The following HSD17B2 variants were observed in gnomAD, a reference collection of about 807,000 sequenced individuals.
The protein encoded by HSD17B2 is 17-beta-hydroxysteroid dehydrogenase type 2.
Under a neutral mutation model 26.9 loss-of-function variants are expected in HSD17B2, and 32 were observed. The ratio of observed to expected loss-of-function variants is 1.19; its 90% CI spans 0.90 to 1.60. HSD17B2 has a LOEUF of 1.60. HSD17B2 is among the 40% of genes most tolerant of loss of function. The pLI is 0.00. For missense variants in HSD17B2, 613 were observed against 468.6 expected, an observed-to-expected ratio of 1.31 and a Z score of -2.85; for synonymous variants, 246 against 186.7, an observed-to-expected ratio of 1.32 and a Z score of -2.59.
rs2142372625 is a variant in HSD17B2 at position 82,098,441 on chromosome 16, T to C, written c.*5T>C. ...TACAAGAAAAAGGCCACCTAGGCAA[T>C]GGAAGCCCTCAAAGAAGTCGGAATG... On this transcript the variant is annotated 3_prime_UTR_variant, in exon 5 of 5. Transcript: ENST00000199936. 1.9e-6 allele frequency: 3 copies of C among 1,585,304 alleles called. No homozygotes were observed. The highest frequency in any genetic ancestry group is 2.2e-5 in the East Asian group (1 of 44,568).
At chr16:82,076,998 T>C (rs992472703) in intron 3 of HSD17B2, among the ~76,000 whole-genome samples, 2 of 152,056 alleles carry the variant, frequency 1.3e-5, no homozygotes, top group Non-Finnish European at 2.9e-5. Flanking sequence ...TTATATAATA[T>C]TGATGAAAGA....
intron 1 of HSD17B2, among the ~76,000 whole-genome samples, chr16:82,043,862 T>C (rs1777621409): frequency 6.6e-6 from 1 of 152,226 alleles, no homozygotes; most frequent in Non-Finnish European, 1.5e-5. Context: ...TTCATTTTTA[T>C]ACAATGCTAA....
At chr16:82,072,249 G>A (rs1007753403) in intron 3 of HSD17B2, among the ~76,000 whole-genome samples, 6 of 152,168 alleles carry the variant, frequency 3.9e-5, no homozygotes, top group African/African-American at 7.2e-5. Context: ...GGGAGACGAA[G>A]TGTCCTCTAG....
chr16:82,067,250 G>T (rs910277478), intron 1 of HSD17B2, among the ~76,000 whole-genome samples: 3 of 152,314 alleles, frequency 2.0e-5, no homozygotes, highest in African/African-American at 7.2e-5. Context: ...GGAGTCCAAG[G>T]AAGATCACAT....
chr16:82,074,339 A>G (rs1467522596), intron 3 of HSD17B2, among the ~76,000 whole-genome samples: 1 of 152,340 alleles, frequency 6.6e-6, no homozygotes, highest in East Asian at 1.9e-4. Context: ...AACTCTAGAA[A>G]TGAGTTTATT....
chr16:82,070,625 G>A (rs560266573), intron 2 of HSD17B2, among the ~76,000 whole-genome samples: 12 of 152,384 alleles, frequency 7.9e-5, no homozygotes, highest in Middle Eastern at 3.4e-3. Context: ...ACAAGGACTA[G>A]AGGTCCTTTC....
intron 4 of HSD17B2, chr16:82,091,327 G>A (rs1904687887): frequency 2.4e-6 from 1 of 417,568 alleles, no homozygotes; most frequent in Non-Finnish European, 4.5e-6. Flanking sequence ...AAGTACAAGG[G>A]TCCATCAGTG....
At chr16:82,077,779 G>T (rs1217500923) in intron 3 of HSD17B2, among the ~76,000 whole-genome samples, 1 of 147,562 alleles carries the variant, frequency 6.8e-6, no homozygotes, top group East Asian at 2.0e-4. Flanking sequence ...AAGAAAGGAA[G>T]GAAGGAAGAA....
intron 4 of HSD17B2, chr16:82,091,294 C>A: frequency 2.0e-6 from 1 of 501,590 alleles, no homozygotes. Flanking sequence ...GAAAGCATGG[C>A]TCAGTAAGTC....
chr16:82,039,352 G>GGAGA (rs1184386645), intron 1 of HSD17B2, among the ~76,000 whole-genome samples: 5 of 134,110 alleles, frequency 3.7e-5, no homozygotes, highest in East Asian at 2.1e-4. Context: ...AGAGAGAGAG[G>GGAGA]GAGAGAGAGA....
intron 1 of HSD17B2, among the ~76,000 whole-genome samples, chr16:82,059,761 G>A (rs1415078431): frequency 1.3e-5 from 2 of 152,130 alleles, no homozygotes; most frequent in African/African-American, 4.8e-5. Flanking sequence ...AGCAAACCTG[G>A]GTTTCACGGC....
chr16:82,039,851 A>G (rs991515736), intron 1 of HSD17B2, among the ~76,000 whole-genome samples: 2 of 152,154 alleles, frequency 1.3e-5, no homozygotes, highest in Admixed American at 1.3e-4. Flanking sequence ...GCCACACCCA[A>G]CTGTGGCTGT....
Position 82,035,519 on chromosome 16 carries a change from G to A in HSD17B2, c.95G>A (p.Gly32Glu). 6.2e-7 allele frequency: 1 copy of A among 1,614,110 alleles called. No individual in the cohort carries two copies. Among genetic ancestry groups the A allele is most frequent in the Non-Finnish European group, 8.5e-7 (1 of 1,180,012 alleles). ...TVFCKYKKSS[G>E]QLWSWMVCLA... ...TTTTGCAAATACAAGAAGAGCTCAG[G>A]GCAGCTGTGGAGCTGGATGGTCTGC... Residue 32 changes from glycine (G) to glutamate (E), a missense_variant, in exon 1 of 5, where the codon GGG (glycine) becomes GAG (glutamate). By Grantham distance (98) the Gly-to-Glu change is moderately conservative. Transcript: ENST00000199936.
chr16:82,040,850 A>G (rs982833509), intron 1 of HSD17B2, among the ~76,000 whole-genome samples: 12 of 152,202 alleles, frequency 7.9e-5, no homozygotes, highest in African/African-American at 2.9e-4. Context: ...AAATAATGAA[A>G]TAGAACTTGG....
chr16:82,059,372 A>G (rs1343866979), intron 1 of HSD17B2, among the ~76,000 whole-genome samples: 1 of 152,136 alleles, frequency 6.6e-6, no homozygotes, highest in Non-Finnish European at 1.5e-5. Context: ...AGGGGACAAA[A>G]TTGTCTGTGG....
intron 1 of HSD17B2, among the ~76,000 whole-genome samples, chr16:82,045,121 C>CAAAAAAA (rs10565056): frequency 2.3e-5 from 1 of 42,788 alleles, no homozygotes; most frequent in African/African-American, 5.9e-5. Flanking sequence ...AAACTCTGTC[C>CAAAAAAA]AAAAAAAAAA....
At chr16:82,074,290 G>A (rs928060906) in intron 3 of HSD17B2, among the ~76,000 whole-genome samples, 8 of 151,966 alleles carry the variant, frequency 5.3e-5, no homozygotes, top group Admixed American at 1.3e-4. Context: ...TGAAGTTTTC[G>A]TTCATCACAT....
At chr16:82,047,939 A>G (rs1913985770) in intron 1 of HSD17B2, among the ~76,000 whole-genome samples, 1 of 152,210 alleles carries the variant, frequency 6.6e-6, no homozygotes, top group South Asian at 2.1e-4. Context: ...TGATTTTTAC[A>G]ATGAAGAGAA....
At chr16:82,053,165 C>CT (rs1338272144) in intron 1 of HSD17B2, among the ~76,000 whole-genome samples, 6 of 152,212 alleles carry the variant, frequency 3.9e-5, no homozygotes, top group Middle Eastern at 3.4e-3. Context: ...TTGCTAAGAA[C>CT]TTTTTTTTCT....
Sources: allele counts gnomAD v4.1 joint callset (sites outside exome capture counted in the v4.1 genomes callset), GRCh38; gene constraint gnomAD v4.1.1; transcripts MANE v1.5; gene names NCBI Gene and HGNC (gene_info 2026-07-23, HGNC 2026-07-21).